The following ASB16 variants were observed in gnomAD, a reference collection of about 807,000 sequenced individuals.
ASB16 encodes ankyrin repeat and SOCS box containing 16.
In ASB16, 44 loss-of-function variants were observed where a neutral mutation model predicts 39.1. That is an observed-to-expected ratio of 1.13 (90% CI 0.88 to 1.45). The LOEUF is 1.45. Among genes scored for constraint, ASB16 ranks in the 40% most tolerant of loss-of-function variants. The probability of loss-of-function intolerance (pLI) is 0.00; values close to 1 mark genes in which losing one functional copy is unlikely to be tolerated. For missense variants in ASB16, 698 were observed against 634.5 expected, an observed-to-expected ratio of 1.10 and a Z score of -1.07; for synonymous variants, 305 against 286.7, an observed-to-expected ratio of 1.06 and a Z score of -0.64.
chr17:44,177,034 A>G lies in ASB16; in HGVS notation c.866A>G (p.His289Arg). The G allele has an allele frequency of 6.7e-7, 1 of 1,492,982 alleles. No homozygotes were observed. The highest frequency in any genetic ancestry group is 8.8e-7 in the Non-Finnish European group (1 of 1,133,680). The allele number at this position is 1,492,982 out of a possible 1,614,324, so 92.5% of individuals were successfully genotyped here. The change falls in exon 3 of 5, where the codon CAC becomes CGC. Residue 289 changes from histidine (H) to arginine (R), a missense_variant. His to Arg is a conservative substitution (Grantham distance 29, BLOSUM62 0). Coordinates refer to ENST00000293414, the MANE Select transcript of ASB16 (RefSeq NM_080863.5). ...GGGCGCAAGCGCCACACGCCGCTGC[A>G]CAACGCTTGTGCCAACGGCTGCGGG... ...AAGRKRHTPL[H>R]NACANGCGGL...
Position 44,178,424 on chromosome 17 carries a change from C to T in ASB16, c.*34C>T, listed in dbSNP as rs201560232. The stretch of plus-strand genomic sequence containing the variant: ...TCAGGCTGTCCCATGGTGTGTTCTG[C>T]CCCTCCCACCTGTCCCCGCCTCCAA... On this transcript the variant is annotated 3_prime_UTR_variant, in exon 5 of 5. Coordinates refer to ENST00000293414, the MANE Select transcript of ASB16 (RefSeq NM_080863.5). The T allele has an allele frequency of 2.9e-5, 44 of 1,527,136 alleles. No homozygotes were observed. In the Middle Eastern group the frequency reaches 5.8e-4, roughly 20 times the overall value. The allele number at this position is 1,527,136 out of a possible 1,614,324, so 94.6% of individuals were successfully genotyped here. A position where few individuals can be genotyped will look rare whatever the true frequency, so the allele number is the denominator to read the frequency against.
At chr17:44,172,733 C>T (rs942025441) in intron 2 of ASB16, among the ~76,000 whole-genome samples, 7 of 150,692 alleles carry the variant, frequency 4.6e-5, no homozygotes, top group African/African-American at 1.7e-4. Context: ...TCAAATGCCT[C>T]AGCCTCCCAA....
At position 44,176,773 on chromosome 17, in the gene ASB16, T is replaced by TG. The variant is rs1567731951; in HGVS notation, c.606dup (p.Asn203GlufsTer57). The TG allele has an allele frequency of 2.5e-6, 4 of 1,613,782 alleles. No homozygotes were observed. Among genetic ancestry groups the TG allele is most frequent in the Non-Finnish European group, 2.5e-6 (3 of 1,179,928 alleles). ...TTGCTGCTGGAAGCAGGAGCGACGG[T>TG]GAACCTGGCAGCAGGCGAGAGCCAG... On this transcript the variant is annotated frameshift_variant, in exon 3 of 5. Coordinates refer to ENST00000293414, the MANE Select transcript of ASB16 (RefSeq NM_080863.5). LOFTEE classifies it high-confidence loss of function.
intron 2 of ASB16, among the ~76,000 whole-genome samples, chr17:44,173,213 C>G (rs1451193549): frequency 6.6e-6 from 1 of 150,708 alleles, no homozygotes; most frequent in Non-Finnish European, 1.5e-5. Flanking sequence ...ATAGTGAAAC[C>G]CCGTCTCTAT....
chr17:44,174,325 G>C (rs1473745535), intron 2 of ASB16, among the ~76,000 whole-genome samples: 1 of 152,004 alleles, frequency 6.6e-6, no homozygotes, highest in Non-Finnish European at 1.5e-5. Context: ...GATTACAGGC[G>C]TGAGCCACCG....
At position 44,176,942 on chromosome 17, in the gene ASB16, T is replaced by C. The variant is rs1319164337; in HGVS notation, c.774T>C (p.Gly258=). The C allele has an allele frequency of 2.0e-6, 3 of 1,520,784 alleles. No individual in the cohort carries two copies. The South Asian group carries it at 3.7e-5, about 19-fold the overall frequency. 94.2% of individuals were successfully genotyped at this position (1,520,784 alleles called of 1,614,324 possible). A position where few individuals can be genotyped will look rare whatever the true frequency, so the allele number is the denominator to read the frequency against. ...NTACAGAEGP[G]SCRRHQAAAR... Reference sequence around the variant, plus strand: ...CGTGCGCTGGGGCCGAGGGCCCAGGTAGCTGCAGGCGACACCAGGCTGCGG... The same window carrying C: ...CGTGCGCTGGGGCCGAGGGCCCAGGCAGCTGCAGGCGACACCAGGCTGCGG... Residue 258 remains glycine (G), a synonymous_variant, in exon 3 of 5, where the codon GGT becomes GGC. Coordinates refer to ENST00000293414, the MANE Select transcript of ASB16 (RefSeq NM_080863.5).
At chr17:44,177,798 G>A (rs921231762) in intron 4 of ASB16, 76 bp downstream of exon 4, 1 of 1,559,590 alleles carries the variant, frequency 6.4e-7, no homozygotes. Context: ...GCCTCATGGA[G>A]GGAGCAGCAG....
chr17:44,177,550 ACTTGGGT>A, intron 3 of ASB16, 52 bp from the exon 4 acceptor site: 1 of 1,583,688 alleles, frequency 6.3e-7, no homozygotes, highest in African/African-American at 1.3e-5. Context: ...GTGAGGCAAG[ACTTGGGT>A]CTGCCCTCGG....
In ASB16 at chr17:44,172,180, G is replaced by A. The variant is rs781441603; in HGVS notation, c.436G>A (p.Ala146Thr). Residue 146 changes from alanine to threonine, a missense_variant, in exon 2 of 5, where the codon GCC becomes ACC. Transcript: ENST00000293414. ...ELDARVGGRA[A>T]LHEACARAQF... is the part of the protein sequence containing the mutation. Reference sequence around the variant, plus strand: ...GGATGCCCGTGTCGGGGGTCGCGCTGCCTTGCATGAGGCCTGTGCCCGAGC... The same window carrying A: ...GGATGCCCGTGTCGGGGGTCGCGCTACCTTGCATGAGGCCTGTGCCCGAGC... 6.2e-7 allele frequency: 1 copy of A among 1,612,742 alleles called. No homozygotes were observed. Among genetic ancestry groups the A allele is most frequent in the Non-Finnish European group, 8.5e-7 (1 of 1,179,988 alleles).
chr17:44,173,239 T>C (rs1427099570), intron 2 of ASB16, among the ~76,000 whole-genome samples: 1 of 149,236 alleles, frequency 6.7e-6, no homozygotes, highest in African/African-American at 2.5e-5. Context: ...ATACAAAAAA[T>C]TAGCCAGGCT....
At position 44,171,990 on chromosome 17, in the gene ASB16, C is replaced by T. The variant is rs981606698; in HGVS notation, c.302-56C>T. 1.5e-5 allele frequency: 24 copies of T among 1,552,750 alleles called. No individual in the cohort carries two copies. In the African/African-American group the frequency reaches 2.2e-4, roughly 14 times the overall value. ...CTGTCAGCTGGAACCAGCATCCCCA[C>T]TCCCTGCCCTGCCCTGTCTTATACA... On this transcript the variant is annotated intron_variant, in intron 1 of 4. Coordinates refer to ENST00000293414, the MANE Select transcript of ASB16 (RefSeq NM_080863.5).
rs2054338245 is a variant in ASB16, at chr17:44,178,822, C to T, written c.*432C>T. 5.6e-6 allele frequency: 1 copy of T among 177,334 alleles called. No homozygotes were observed. The highest frequency in any genetic ancestry group is 2.4e-5 in the African/African-American group (1 of 41,720). 11.0% of individuals were successfully genotyped at this position (177,334 alleles called of 1,614,324 possible). A position where few individuals can be genotyped will look rare whatever the true frequency, so the allele number is the denominator to read the frequency against. On this transcript the variant is annotated 3_prime_UTR_variant, in exon 5 of 5. Transcript: ENST00000293414. ...GCTGTCCTGGTCCACCTCACTCCTCCATGGGCTTCTTGAGACACCTGCTGA... is the reference window on the plus strand; with the variant it reads ...GCTGTCCTGGTCCACCTCACTCCTCTATGGGCTTCTTGAGACACCTGCTGA...
intron 4 of ASB16, among the ~76,000 whole-genome samples, chr17:44,178,003 A>G (rs954028271): frequency 5.9e-5 from 9 of 152,170 alleles, no homozygotes; most frequent in African/African-American, 2.2e-4. Context: ...GGAGTGGTAT[A>G]GACATAGTGG....
chr17:44,177,029 G>C lies in ASB16; in HGVS notation c.861G>C (p.Pro287=). The C allele has an allele frequency of 1.3e-6, 2 of 1,490,482 alleles. No individual in the cohort carries two copies. Among genetic ancestry groups the C allele is most frequent in the Non-Finnish European group, 1.8e-6 (2 of 1,132,684 alleles). 92.3% of individuals were successfully genotyped at this position (1,490,482 alleles called of 1,614,324 possible). ...ARAAGRKRHT[P]LHNACANGCG... ...CGGCCGGGCGCAAGCGCCACACGCC[G>C]CTGCACAACGCTTGTGCCAACGGCT... The change falls in exon 3 of 5, where the codon CCG becomes CCC. Residue 287 remains proline, a synonymous_variant. Coordinates refer to ENST00000293414, the MANE Select transcript of ASB16 (RefSeq NM_080863.5).
At chr17:44,171,923 G>GT (rs777402020) in intron 1 of ASB16, 123 bp from the exon 2 acceptor site, 4 of 1,024,362 alleles carry the variant, frequency 3.9e-6, no homozygotes, top group Non-Finnish European at 5.7e-6. Context: ...GCCTGGCAGT[G>GT]TTTGTGCTCA....
At position 44,176,824 on chromosome 17, in the gene ASB16, C is replaced by T. The variant is rs1471734214; in HGVS notation, c.656C>T (p.Ala219Val). 3 of 1,612,850 alleles carry T rather than the reference C, an allele frequency of 1.9e-6. No homozygotes were observed. Among genetic ancestry groups the T allele is most frequent in the East Asian group, 4.5e-5 (2 of 44,882 alleles). Residue 219 changes from alanine (A) to valine (V), a missense_variant, in exon 3 of 5, where the codon GCG becomes GTG. Coordinates refer to ENST00000293414, the MANE Select transcript of ASB16 (RefSeq NM_080863.5). ...SQETPLHVAAARGLEQHVALY... is the reference protein window; with the variant it reads ...SQETPLHVAAVRGLEQHVALY... ...GAGACGCCCCTGCACGTGGCGGCGG[C>T]GCGCGGCCTGGAGCAACATGTGGCT...
At chr17:44,177,369 G>C in intron 3 of ASB16, 139 bp downstream of exon 3, 1 of 1,274,954 alleles carries the variant, frequency 7.8e-7, no homozygotes, top group Non-Finnish European at 1.1e-6. Flanking sequence ...CCCAGCTTGG[G>C]AGGGGGAGAG....
Position 44,170,811 on chromosome 17 carries a change from T to G in ASB16, c.22T>G (p.Phe8Val), listed in dbSNP as rs1232977754. Residue 8 changes from phenylalanine to valine, a missense_variant, in exon 1 of 5, where the codon TTC (phenylalanine) becomes GTC (valine). Physicochemically the swap from Phe to Val is conservative, Grantham distance 50. Coordinates refer to ENST00000293414, the MANE Select transcript of ASB16 (RefSeq NM_080863.5). ...ATCCATGGCAAGAGAGACCTTCCCC[T>G]TCACCTCCTCCATGCTGCGCTCTCT... MARETFP[F>V]TSSMLRSLRL... 4 of 1,605,330 alleles carry G rather than the reference T, an allele frequency of 2.5e-6. No individual in the cohort carries two copies. In the East Asian group the frequency reaches 8.9e-5, roughly 36 times the overall value.
chr17:44,173,322 T>C (rs1451155713), intron 2 of ASB16, among the ~76,000 whole-genome samples: 1 of 121,808 alleles, frequency 8.2e-6, no homozygotes, highest in Non-Finnish European at 1.7e-5. Context: ...GAACCCGGGA[T>C]GCAGAGGTTG....
Sources: allele counts gnomAD v4.1 joint callset (sites outside exome capture counted in the v4.1 genomes callset), GRCh38; gene constraint gnomAD v4.1.1; transcripts MANE v1.5; gene names NCBI Gene and HGNC (gene_info 2026-07-23, HGNC 2026-07-21).